CCDC40: variants seen among roughly 807,000 people sequenced by gnomAD.
CCDC40 encodes coiled-coil domain 40 molecular ruler complex subunit.
A neutral mutation model predicts 124.5 loss-of-function variants in CCDC40; 104 were observed. The observed-to-expected ratio is 0.84, with a 90% CI of 0.71 to 0.98. CCDC40 has a LOEUF of 0.98. CCDC40 is among the 50% of genes least tolerant of loss of function. CCDC40 has a pLI of 0.00. For synonymous variants in CCDC40, 580 were observed against 602.9 expected, an observed-to-expected ratio of 0.96 and a Z score of 0.56; for missense variants, 1,463 against 1,503.9, an observed-to-expected ratio of 0.97 and a Z score of 0.45.
intron 4 of CCDC40, chr17:80,048,314 C>T (rs1333264503): frequency 5.9e-6 from 3 of 504,670 alleles, no homozygotes; most frequent in African/African-American, 5.8e-5. Flanking sequence ...TTTCTGTTCA[C>T]TCTTTATGTG....
chr17:80,074,305 T>A (rs1480052792), intron 10 of CCDC40, among the ~76,000 whole-genome samples: 2 of 151,992 alleles, frequency 1.3e-5, no homozygotes, highest in Non-Finnish European at 2.9e-5. Context: ...GGTCAGGAGA[T>A]CAAGACCATC....
At chr17:80,078,932 CTTT>C (rs529655342) in intron 10 of CCDC40, among the ~76,000 whole-genome samples, 12 of 131,628 alleles carry the variant, frequency 9.1e-5, no homozygotes, top group Non-Finnish European at 1.1e-4. Context: ...GTATCAGTAT[CTTT>C]TTTTTTTTTT....
chr17:80,099,765 G>A lies in CCDC40; in HGVS notation c.3419G>A (p.Gly1140Glu). The change falls in exon 20 of 20, where the codon GGG (glycine) becomes GAG (glutamate). Residue 1140 changes from glycine (G) to glutamate (E), a missense_variant. By Grantham distance (98) the Gly-to-Glu change is moderately conservative. Coordinates refer to ENST00000397545, the MANE Select transcript of CCDC40 (RefSeq NM_017950.4). ...ATCGCCAACAAGCTCGAGTCACCAG[G>A]GCCCTCCTAGGGAGCAGCCTGGACT... is the stretch of plus-strand genomic sequence containing the variant. ...QMIANKLESP[G>E]PS 1 of 1,612,738 alleles carries A rather than the reference G, an allele frequency of 6.2e-7. No homozygotes were observed.
intron 4 of CCDC40, 50 bp downstream of exon 4, chr17:80,047,452 A>G (rs1467146794): frequency 3.8e-6 from 6 of 1,588,034 alleles, no homozygotes; most frequent in Non-Finnish European, 4.3e-6. Context: ...AGCCACCTGC[A>G]CAGGCCCTTC....
chr17:80,051,607 C>A (rs887451223), intron 7 of CCDC40, among the ~76,000 whole-genome samples: 2 of 117,576 alleles, frequency 1.7e-5, no homozygotes, highest in African/African-American at 6.6e-5. Context: ...CCAGCCTGGG[C>A]GACAGAGCGA....
At chr17:80,051,942 G>A (rs1167850199) in intron 7 of CCDC40, among the ~76,000 whole-genome samples, 1 of 152,244 alleles carries the variant, frequency 6.6e-6, no homozygotes, top group Non-Finnish European at 1.5e-5. Flanking sequence ...TGGAGATTAG[G>A]AGAGGGCCAG....
At chr17:80,039,099 G>A (rs996657719) in intron 2 of CCDC40, among the ~76,000 whole-genome samples, 1 of 152,128 alleles carries the variant, frequency 6.6e-6, no homozygotes, top group Non-Finnish European at 1.5e-5. Flanking sequence ...AGGCATGGTG[G>A]CTCACGCCTG....
chr17:80,068,292 C>G (rs900593566), intron 10 of CCDC40, among the ~76,000 whole-genome samples: 4 of 152,168 alleles, frequency 2.6e-5, no homozygotes, highest in Non-Finnish European at 5.9e-5. Flanking sequence ...CTTGGCCTCC[C>G]AAAGTGCTGG....
At chr17:80,038,607 A>G (rs1370540760) in intron 2 of CCDC40, among the ~76,000 whole-genome samples, 1 of 152,044 alleles carries the variant, frequency 6.6e-6, no homozygotes, top group African/African-American at 2.4e-5. Flanking sequence ...CAGGCAGATC[A>G]CGAGGTCAAA....
In CCDC40 at chr17:80,067,835, C is replaced by T. The variant is rs28613059; in HGVS notation, c.1562+2229C>T. ...GACAGCTCAGCATGTTGTCACACTT[C>T]AGGACTGTGCCAATCCGATTGATGA... is the stretch of plus-strand genomic sequence containing the variant. On this transcript the variant is annotated intron_variant, in intron 10 of 19. Transcript: ENST00000397545. The T allele has an allele frequency of 0.024, 34,192 of 1,424,102 alleles. 5,137 individuals are homozygous for T. In the African/African-American group the frequency reaches 0.37, roughly 15 times the overall value. The allele number at this position is 1,424,102 out of a possible 1,614,324, so 88.2% of individuals were successfully genotyped here.
intron 1 of CCDC40, chr17:80,037,851 T>C: frequency 2.6e-6 from 1 of 380,964 alleles, no homozygotes; most frequent in Non-Finnish European, 5.0e-6. Context: ...AGGTGACTTT[T>C]CTGGGGTGAT....
At chr17:80,043,428 C>T (rs1352202212) in intron 3 of CCDC40, among the ~76,000 whole-genome samples, 1 of 152,088 alleles carries the variant, frequency 6.6e-6, no homozygotes, top group Non-Finnish European at 1.5e-5. Context: ...ACTGTACGTA[C>T]TTCCCCCACA....
At position 80,046,556 on chromosome 17, in the gene CCDC40, T is replaced by TAATAATAATAAA. The variant is rs1482898475; in HGVS notation, c.553-721_553-720insTAATAATAAAAA. ...TCAATAATAATAATAATAATAATAA[T>TAATAATAATAAA]AAAAGAGTGGTTTCTGCGTGTCTGC... On this transcript the variant is annotated intron_variant, in intron 3 of 19. Transcript: ENST00000397545. Among the ~76,000 whole-genome samples, 14 of 151,236 alleles carry TAATAATAATAAA rather than the reference T, an allele frequency of 9.3e-5. No individual in the cohort carries two copies. In the East Asian group the frequency reaches 9.7e-4, roughly 10 times the overall value.
chr17:80,085,825 A>C (rs539543091), intron 13 of CCDC40, among the ~76,000 whole-genome samples, 178 bp from the exon 14 acceptor site: 32 of 152,072 alleles, frequency 2.1e-4, no homozygotes, highest in African/African-American at 7.0e-4. Flanking sequence ...GTGCACCAGC[A>C]CACCTGGCTA....
chr17:80,044,698 C>CA (rs1434662720), intron 3 of CCDC40, among the ~76,000 whole-genome samples: 2 of 71,842 alleles, frequency 2.8e-5, no homozygotes, highest in African/African-American at 7.3e-5. Context: ...CAAAACAAAA[C>CA]AAACAAACAA....
Position 80,039,965 on chromosome 17 carries a change from G to C in CCDC40, c.247G>C (p.Ala83Pro). The change falls in exon 3 of 20, where the codon GCT (alanine) becomes CCT (proline). Residue 83 changes from alanine to proline, a missense_variant. By Grantham distance (27) the Ala-to-Pro change is conservative (BLOSUM62 -1). Coordinates refer to ENST00000397545, the MANE Select transcript of CCDC40 (RefSeq NM_017950.4). ...AGCAGCAGTGGAAGGGGAAGAGGAG[G>C]CTGTGTCCTATGGAGATGCTGAAAG... ...GEAAVEGEEE[A>P]VSYGDAESEE... 6 of 1,600,128 alleles carry C rather than the reference G, an allele frequency of 3.7e-6. No individual in the cohort carries two copies. The highest frequency in any genetic ancestry group is 5.1e-6 in the Non-Finnish European group (6 of 1,167,280).
chr17:80,081,821 T>C (rs2038456882), intron 11 of CCDC40, 32 bp downstream of exon 11: 2 of 1,613,914 alleles, frequency 1.2e-6, no homozygotes, highest in Non-Finnish European at 1.7e-6. Flanking sequence ...AGGTCACACC[T>C]GGCGCACGGT....
intron 7 of CCDC40, among the ~76,000 whole-genome samples, chr17:80,051,816 C>T (rs1055967433): frequency 1.3e-5 from 2 of 152,342 alleles, no homozygotes; most frequent in East Asian, 3.9e-4. Flanking sequence ...CCCACACCTG[C>T]AGTGAGGCTG....
intron 17 of CCDC40, among the ~76,000 whole-genome samples, chr17:80,094,152 C>G (rs901760192): frequency 1.3e-5 from 2 of 151,840 alleles, no homozygotes; most frequent in Non-Finnish European, 2.9e-5. Flanking sequence ...TGGCTCACGC[C>G]TGTAATCCTA....
Sources: allele counts gnomAD v4.1 joint callset (sites outside exome capture counted in the v4.1 genomes callset), GRCh38; gene constraint gnomAD v4.1.1; transcripts MANE v1.5; gene names NCBI Gene and HGNC (gene_info 2026-07-23, HGNC 2026-07-21).